Variants in CLEC12A observed in about 807,000 individuals in gnomAD.
The protein encoded by CLEC12A is C-type lectin protein CLL-1.
CLEC12A carries 22 observed loss-of-function variants against 26.5 expected under a neutral mutation model. That is an observed-to-expected ratio of 0.83 (90% CI 0.59 to 1.19). The LOEUF (loss-of-function observed/expected upper bound fraction) is 1.19. Ranked by LOEUF, CLEC12A falls within the 50% of genes most tolerant of loss-of-function variation. The probability of loss-of-function intolerance (pLI) is 0.00; values close to 1 mark genes in which losing one functional copy is unlikely to be tolerated. For synonymous variants in CLEC12A, 119 were observed against 101.9 expected, an observed-to-expected ratio of 1.17 and a Z score of -1.01; for missense variants, 353 against 315.6, an observed-to-expected ratio of 1.12 and a Z score of -0.90.
In CLEC12A at chr12:9,980,611, T is replaced by A. The variant is rs1179373247; in HGVS notation, c.409T>A (p.Trp137Arg). ...CAAATGTAAGCCTTGTCCAAGGAGA[T>A]GGATTTGGCATAAGGACAGCTGTTA... ...EHKCKPCPRR[W>R]IWHKDSCYFL... is the part of the protein sequence containing the mutation. Residue 137 changes from tryptophan to arginine, a missense_variant, in exon 4 of 6, where the codon TGG (tryptophan) becomes AGG (arginine). Coordinates refer to ENST00000304361, the MANE Select transcript of CLEC12A (RefSeq NM_138337.6). 6.2e-7 allele frequency: 1 copy of A among 1,613,688 alleles called. No individual in the cohort carries two copies. The highest frequency in any genetic ancestry group is 1.3e-5 in the African/African-American group (1 of 74,892).
intron 1 of CLEC12A, among the ~76,000 whole-genome samples, chr12:9,977,929 T>A (rs184866422): frequency 1.3e-5 from 2 of 152,132 alleles, no homozygotes; most frequent in African/African-American, 4.8e-5. Flanking sequence ...AATACACATA[T>A]AAATAAGAAA....
chr12:9,965,504 T>C (rs1250854185), intron 1 of CLEC12A, among the ~76,000 whole-genome samples: 3 of 150,592 alleles, frequency 2.0e-5, no homozygotes, highest in South Asian at 2.1e-4. Flanking sequence ...CAAGTGAAAG[T>C]GAAGAGAGGC....
intron 5 of CLEC12A, among the ~76,000 whole-genome samples, chr12:9,982,436 G>C (rs897766907): frequency 6.6e-6 from 1 of 152,010 alleles, no homozygotes; most frequent in Non-Finnish European, 1.5e-5. Context: ...TTAATATTGT[G>C]ATAAGTTCTA....
At chr12:9,978,037 A>G (rs1864405152) in intron 1 of CLEC12A, among the ~76,000 whole-genome samples, 1 of 152,096 alleles carries the variant, frequency 6.6e-6, no homozygotes, top group African/African-American at 2.4e-5. Context: ...TCTAAAGTCT[A>G]TATAAGTTAA....
chr12:9,972,042 ATGTG>A (rs200619603), intron 1 of CLEC12A, among the ~76,000 whole-genome samples: 1 of 95,826 alleles, frequency 1.0e-5, no homozygotes, highest in Non-Finnish European at 2.1e-5. Context: ...ATGATTTCAT[ATGTG>A]TGTGTGTGTG....
the CLEC12A span, among the ~76,000 whole-genome samples, chr12:10,004,962 C>T: frequency 6.0e-5 from 9 of 150,970 alleles, no homozygotes; most frequent in Non-Finnish European, 1.2e-4. Flanking sequence ...GAACAACCCT[C>T]TTCTACCCAG....
At chr12:9,960,922 A>G (rs1010795888) in intron 1 of CLEC12A, among the ~76,000 whole-genome samples, 5 of 152,148 alleles carry the variant, frequency 3.3e-5, no homozygotes, top group Non-Finnish European at 7.4e-5. Context: ...ACGTAGCATC[A>G]AACTCTGTAA....
intron 1 of CLEC12A, among the ~76,000 whole-genome samples, chr12:9,953,563 G>T (rs1863683160): frequency 6.9e-6 from 1 of 145,378 alleles, no homozygotes; most frequent in African/African-American, 2.7e-5. Flanking sequence ...TGCCTGGCCA[G>T]CCGCCCCGTC....
chr12:9,984,775 G>A, intron 5 of CLEC12A, 95 bp from the exon 6 acceptor site: 1 of 1,141,284 alleles, frequency 8.8e-7, no homozygotes, highest in Non-Finnish European at 1.2e-6. Flanking sequence ...CAGAGTCTAG[G>A]GCAATAATAT....
downstream of CLEC12A, among the ~76,000 whole-genome samples, chr12:9,999,800 T>C (rs1482088243): frequency 6.6e-6 from 1 of 152,202 alleles, no homozygotes; most frequent in Non-Finnish European, 1.5e-5. Flanking sequence ...TCTTTAGTAG[T>C]GTTTGTGCTT....
chr12:9,963,763 G>A (rs1197899640), intron 1 of CLEC12A, among the ~76,000 whole-genome samples: 1 of 152,206 alleles, frequency 6.6e-6, no homozygotes, highest in East Asian at 1.9e-4. Context: ...AACTGGAGAA[G>A]CAAAGTAAAA....
At chr12:9,999,039 G>T (rs373622374), downstream of CLEC12A, 8 of 1,582,142 alleles carry the variant, frequency 5.1e-6, no homozygotes, top group South Asian at 9.0e-5. Context: ...ATTCTTACCG[G>T]AGATGAGAGC....
At position 9,978,153 on chromosome 12, in the gene CLEC12A, TC is replaced by T. The variant is rs1864411145; in HGVS notation, c.92-810del. Among the ~76,000 whole-genome samples, 4 of 152,290 alleles carry T rather than the reference TC, an allele frequency of 2.6e-5. No homozygotes were observed. In the South Asian group the frequency reaches 8.3e-4, roughly 32 times the overall value. ...GAAGTATAGTGAGATTATTATGGTA[TC>T]CCTGAATTGGATTTTCTTGAAATAT... On this transcript the variant is annotated intron_variant, in intron 1 of 5. Coordinates refer to ENST00000304361, the MANE Select transcript of CLEC12A (RefSeq NM_138337.6).
At chr12:10,002,934 C>T in the CLEC12A span, among the ~76,000 whole-genome samples, 184 of 152,154 alleles carry the variant, frequency 1.2e-3, 2 homozygotes, top group African/African-American at 4.2e-3. Context: ...TAGTGGAATA[C>T]GTAACATTGT....
chr12:9,998,872 G>T (rs1417331759), downstream of CLEC12A, among the ~76,000 whole-genome samples: 2 of 151,986 alleles, frequency 1.3e-5, no homozygotes, highest in Non-Finnish European at 1.5e-5. Flanking sequence ...AATCTAAATA[G>T]GTCTGTATGA....
downstream of CLEC12A, among the ~76,000 whole-genome samples, chr12:9,987,156 A>G (rs1010856945): frequency 4.6e-5 from 7 of 152,214 alleles, no homozygotes; most frequent in Admixed American, 3.9e-4. Flanking sequence ...GGGAAATGCC[A>G]TTTACAAGCC....
chr12:9,957,885 AT>A (rs1200143506), intron 1 of CLEC12A, among the ~76,000 whole-genome samples: 1 of 152,166 alleles, frequency 6.6e-6, no homozygotes, highest in African/African-American at 2.4e-5. Flanking sequence ...CCCAAGATTT[AT>A]TTTCCTTTCA....
At chr12:9,981,940 A>G in intron 4 of CLEC12A, 80 bp from the exon 5 acceptor site, 1 of 699,058 alleles carries the variant, frequency 1.4e-6, no homozygotes. Context: ...TAAAACAGCA[A>G]TTTGTAAGAA....
rs191547479 is a variant in CLEC12A at position 9,977,226 on chromosome 12, T to C, written c.92-1740T>C. ...TAGAAATGTATACTTAATTTATCCATGGGTCATCAAATTCCCTAGTACTAG... is the reference window on the plus strand; with the variant it reads ...TAGAAATGTATACTTAATTTATCCACGGGTCATCAAATTCCCTAGTACTAG... On this transcript the variant is annotated intron_variant, in intron 1 of 5. Coordinates refer to ENST00000304361, the MANE Select transcript of CLEC12A (RefSeq NM_138337.6). Among the ~76,000 whole-genome samples the C allele has an allele frequency of 2.3e-3, 353 of 152,310 alleles. 2 individuals are homozygous for C. The highest frequency in any genetic ancestry group is 8.2e-3 in the African/African-American group (342 of 41,564).
Sources: allele counts gnomAD v4.1 joint callset (sites outside exome capture counted in the v4.1 genomes callset), GRCh38; gene constraint gnomAD v4.1.1; transcripts MANE v1.5; gene names NCBI Gene and HGNC (gene_info 2026-07-23, HGNC 2026-07-21).